Variants in SIGLEC5 observed in about 807,000 individuals in gnomAD.
SIGLEC5 encodes sialic acid-binding Ig-like lectin 5.
A neutral mutation model predicts 45.9 loss-of-function variants in SIGLEC5; 34 were observed. The observed-to-expected ratio is 0.74, with a 90% confidence interval of 0.56 to 0.99. The LOEUF is 0.99. Ranked by LOEUF, SIGLEC5 falls within the 50% of genes least tolerant of loss-of-function variation. The probability of loss-of-function intolerance (pLI) is 0.00; values close to 1 mark genes in which losing one functional copy is unlikely to be tolerated. For missense variants in SIGLEC5, 508 were observed against 629.6 expected, an observed-to-expected ratio of 0.81 and a Z score of 2.07; for synonymous variants, 203 against 258.6, an observed-to-expected ratio of 0.79 and a Z score of 2.06.
chr19:51,618,064 C>T (rs1431269476), intron 8 of SIGLEC5, among the ~76,000 whole-genome samples: 1 of 150,230 alleles, frequency 6.7e-6, no homozygotes, highest in East Asian at 1.9e-4. Context: ...TCCCAAGTAG[C>T]TGGAATTACA....
chr19:51,625,237 T>C (rs1983433637), intron 8 of SIGLEC5, among the ~76,000 whole-genome samples: 1 of 152,132 alleles, frequency 6.6e-6, no homozygotes, highest in Non-Finnish European at 1.5e-5. Context: ...AGCAGGTCCG[T>C]ATGGAGACAG....
Position 51,626,026 on chromosome 19 carries a change from A to C in SIGLEC5, c.1464+6T>G, listed in dbSNP as rs1365438405. The C allele has an allele frequency of 6.2e-7, 1 of 1,612,134 alleles. No individual in the cohort carries two copies. The highest frequency in any genetic ancestry group is 8.5e-7 in the Non-Finnish European group (1 of 1,178,582). On this transcript the variant is annotated splice_donor_region_variant and intron_variant, in intron 8 of 8. Coordinates refer to ENST00000683636, the MANE Select transcript of SIGLEC5 (RefSeq NM_003830.4). ...ATGCACATGAGAAGATCCCCAAACC[A>C]CTCACCGAGGTGATGGTACCCATAA...
chr19:51,612,084 A>C lies in SIGLEC5; in HGVS notation c.*147T>G. Reference sequence around the variant, plus strand: ...GGCCTAGATTTGAGCCCACCTCTCTAATTCCATCTGCTTGGAGCACTTAAA... The same window carrying C: ...GGCCTAGATTTGAGCCCACCTCTCTCATTCCATCTGCTTGGAGCACTTAAA... On this transcript the variant is annotated 3_prime_UTR_variant, in exon 9 of 9. Transcript: ENST00000683636. The C allele has an allele frequency of 3.8e-5, 1 of 26,624 alleles. No homozygotes were observed. The allele number at this position is 26,624 out of a possible 1,614,324, so 1.6% of individuals were successfully genotyped here. A position where few individuals can be genotyped will look rare whatever the true frequency, so the allele number is the denominator to read the frequency against.
rs1434611599 is a variant in SIGLEC5 at position 51,611,415 on chromosome 19, C to T, written c.*816G>A. Among the ~76,000 whole-genome samples, 2 of 152,120 alleles carry T rather than the reference C, an allele frequency of 1.3e-5. No individual in the cohort carries two copies. The highest frequency in any genetic ancestry group is 2.9e-5 in the Non-Finnish European group (2 of 68,034). On this transcript the variant is annotated 3_prime_UTR_variant, in exon 9 of 9. Coordinates refer to ENST00000683636, the MANE Select transcript of SIGLEC5 (RefSeq NM_003830.4). ...GAGGAGGAATCTCAAATTGCAAAGACAGTGTGGTATGAACCAGCATGAAAG... is the reference window on the plus strand; with the variant it reads ...GAGGAGGAATCTCAAATTGCAAAGATAGTGTGGTATGAACCAGCATGAAAG...
rs952141580 is a variant in SIGLEC5 at position 51,627,561 on chromosome 19, A to T, written c.1183T>A (p.Ser395Thr). The T allele has an allele frequency of 6.2e-7, 1 of 1,614,066 alleles. No individual in the cohort carries two copies. Among genetic ancestry groups the T allele is most frequent in the Non-Finnish European group, 8.5e-7 (1 of 1,180,028 alleles). The change falls in exon 6 of 9, where the codon TCC becomes ACC. Residue 395 changes from serine (S) to threonine (T), a missense_variant. This residue lies in a region of SIGLEC5 where 431 missense variants were observed against 428.8 expected (regional missense o/e 1.01). Transcript: ENST00000683636. ...CTGAGCCCCCCGTGGAGGATCAGGG[A>T]GCTGTTGGCCCAGGGCCCAGCTGAG... is the stretch of plus-strand genomic sequence containing the variant. ...SSSAGPWANSSLILHGGLSSD... is the reference protein window; with the variant it reads ...SSSAGPWANSTLILHGGLSSD...
chr19:51,628,796 G>A (rs1285088045), intron 4 of SIGLEC5, among the ~76,000 whole-genome samples: 1 of 149,200 alleles, frequency 6.7e-6, no homozygotes, highest in Non-Finnish European at 1.5e-5. Flanking sequence ...GCATGTGTAT[G>A]TGTGTGGTGT....
At chr19:51,620,332 A>G (rs975373068) in intron 8 of SIGLEC5, among the ~76,000 whole-genome samples, 1 of 152,214 alleles carries the variant, frequency 6.6e-6, no homozygotes, top group Non-Finnish European at 1.5e-5. Flanking sequence ...AAGGAAAATG[A>G]CAAGTGTATT....
At chr19:51,629,233 G>T in intron 3 of SIGLEC5, 125 bp downstream of exon 3, 21 of 1,550,372 alleles carry the variant, frequency 1.4e-5, no homozygotes, top group Admixed American at 1.8e-5. Context: ...CACACACAAG[G>T]TTTCTCAAGT....
chr19:51,619,994 A>T (rs968498286), intron 8 of SIGLEC5, among the ~76,000 whole-genome samples: 2 of 151,896 alleles, frequency 1.3e-5, no homozygotes, highest in Non-Finnish European at 2.9e-5. Context: ...CTAAAAGGGG[A>T]AGTAATCTCG....
At chr19:51,614,868 G>A (rs149434534) in intron 8 of SIGLEC5, among the ~76,000 whole-genome samples, 196 of 152,298 alleles carry the variant, frequency 1.3e-3, no homozygotes, top group African/African-American at 4.5e-3. Flanking sequence ...ACAGTTATAA[G>A]TGAGCTCCCT....
Position 51,627,751 on chromosome 19 carries a change from G to A in SIGLEC5, c.998-5C>T. ...GGCCCAGCAACTGTGGGAGGGCTGTGGGGAGGGAGGACAGAACTCAGCAGG... is the reference window on the plus strand; with the variant it reads ...GGCCCAGCAACTGTGGGAGGGCTGTAGGGAGGGAGGACAGAACTCAGCAGG... On this transcript the variant is annotated splice_region_variant and splice_polypyrimidine_tract_variant and intron_variant, in intron 5 of 8. Coordinates refer to ENST00000683636, the MANE Select transcript of SIGLEC5 (RefSeq NM_003830.4). 1.3e-6 allele frequency: 2 copies of A among 1,577,738 alleles called. No homozygotes were observed. Among genetic ancestry groups the A allele is most frequent in the Non-Finnish European group, 1.7e-6 (2 of 1,160,002 alleles).
In SIGLEC5 at chr19:51,616,920, A is replaced by AC. The variant is rs1226589656; in HGVS notation, c.1465-4499_1465-4498insG. 1.2e-3 allele frequency among the ~76,000 whole-genome samples: 157 copies of AC among 134,388 alleles called. 5 individuals carry two copies. The highest frequency in any genetic ancestry group is 4.1e-3 in the African/African-American group (152 of 37,152). 88.2% of individuals were successfully genotyped at this position (134,388 alleles called of 152,430 possible). A position where few individuals can be genotyped will look rare whatever the true frequency, so the allele number is the denominator to read the frequency against. On this transcript the variant is annotated intron_variant, in intron 8 of 8. Coordinates refer to ENST00000683636, the MANE Select transcript of SIGLEC5 (RefSeq NM_003830.4). ...AGTGAGACTGTCAAAAAAAAAAAACAAAAAAAAAAAACACTTGAACATTTA... is the reference window on the plus strand; with the variant it reads ...AGTGAGACTGTCAAAAAAAAAAAACACAAAAAAAAAAACACTTGAACATTTA...
In SIGLEC5 at chr19:51,611,155, T is replaced by G. The variant is rs896484828; in HGVS notation, c.*1076A>C. 1.3e-5 allele frequency among the ~76,000 whole-genome samples: 2 copies of G among 152,232 alleles called. No individual in the cohort carries two copies. Among genetic ancestry groups the G allele is most frequent in the Non-Finnish European group, 2.9e-5 (2 of 68,046 alleles). ...CACTCATTTCCTCATGACCACTTGC[T>G]GAAGTTTCTAACATTGTCATTTATC... On this transcript the variant is annotated 3_prime_UTR_variant, in exon 9 of 9. Transcript: ENST00000683636.
At chr19:51,625,756 G>A (rs1203745200) in intron 8 of SIGLEC5, among the ~76,000 whole-genome samples, 1 of 152,198 alleles carries the variant, frequency 6.6e-6, no homozygotes, top group Non-Finnish European at 1.5e-5. Context: ...CTTGAACCTG[G>A]GAGGTGGAGT....
intron 8 of SIGLEC5, among the ~76,000 whole-genome samples, chr19:51,618,301 G>A (rs1447231620): frequency 6.6e-6 from 1 of 151,754 alleles, no homozygotes. Context: ...CACTGGTAGA[G>A]CATAAATACA....
chr19:51,617,323 AAAG>A (rs1385301528), intron 8 of SIGLEC5, among the ~76,000 whole-genome samples: 1 of 152,080 alleles, frequency 6.6e-6, no homozygotes, highest in Non-Finnish European at 1.5e-5. Flanking sequence ...TTCCAGAGTT[AAAG>A]AAGATGAAAC....
Position 51,627,499 on chromosome 19 carries a change from G to C in SIGLEC5, c.1245C>G (p.Ile415Met), listed in dbSNP as rs1325362105. 1 of 1,614,042 alleles carries C rather than the reference G, an allele frequency of 6.2e-7. No individual in the cohort carries two copies. Among genetic ancestry groups the C allele is most frequent in the South Asian group, 1.1e-5 (1 of 91,090 alleles). The change falls in exon 6 of 9, where the codon ATC (isoleucine) becomes ATG (methionine). Residue 415 changes from isoleucine (I) to methionine (M), a missense_variant. Transcript: ENST00000683636. ...DLKVSCKAWNIYGSQSGSVLL... is the reference protein window; with the variant it reads ...DLKVSCKAWNMYGSQSGSVLL... Reference sequence around the variant, plus strand: ...GGACAGAGCCGCTCTGGGACCCATAGATGTTCCAGGCCTTGCAGCTGACTT... The same window carrying C: ...GGACAGAGCCGCTCTGGGACCCATACATGTTCCAGGCCTTGCAGCTGACTT...
intron 8 of SIGLEC5, among the ~76,000 whole-genome samples, chr19:51,623,434 G>A (rs1017970718): frequency 2.0e-4 from 30 of 152,126 alleles, no homozygotes; most frequent in Non-Finnish European, 2.2e-4. Context: ...GTGTAAAAAT[G>A]TATAAAGCCC....
At position 51,611,994 on chromosome 19, in the gene SIGLEC5, C is replaced by G. The variant is rs1042202097; in HGVS notation, c.*237G>C. On this transcript the variant is annotated 3_prime_UTR_variant, in exon 9 of 9. Transcript: ENST00000683636. ...ACCTTTGAGGTAGCATGCATGATCTCTGATTTACAGAATGGGAAACTGAGG... is the reference window on the plus strand; with the variant it reads ...ACCTTTGAGGTAGCATGCATGATCTGTGATTTACAGAATGGGAAACTGAGG... The G allele has an allele frequency of 3.1e-6, 1 of 322,918 alleles. No individual in the cohort carries two copies. Among genetic ancestry groups the G allele is most frequent in the Non-Finnish European group, 5.6e-6 (1 of 177,188 alleles). The allele number at this position is 322,918 out of a possible 1,614,324, so 20.0% of individuals were successfully genotyped here.
Sources: gnomAD v4.1 joint callset for allele counts (sites outside exome capture counted in the v4.1 genomes callset) on GRCh38, gnomAD v4.1.1 for gene constraint, gnomAD v4.1.1 regional missense constraint, MANE v1.5 for transcripts, NCBI Gene and HGNC (gene_info 2026-07-23, HGNC 2026-07-21) for gene names.